Variants in ABRAXAS2 observed in about 807,000 individuals in gnomAD.
ABRAXAS2 encodes the protein abraxas 2, BRISC complex subunit, also known as BRISC complex subunit Abraxas 2.
A neutral mutation model predicts 49.0 loss-of-function variants in ABRAXAS2; 23 were observed. That is an observed-to-expected ratio of 0.47 (90% CI 0.34 to 0.66). The LOEUF is 0.66. Among genes scored for constraint, ABRAXAS2 ranks in the 30% least tolerant of loss-of-function variants. The pLI, the probability that ABRAXAS2 is intolerant of heterozygous loss-of-function variation, is 0.01. For synonymous variants in ABRAXAS2, 168 were observed against 180.2 expected, an observed-to-expected ratio of 0.93 and a Z score of 0.54; for missense variants, 443 against 511.9, an observed-to-expected ratio of 0.87 and a Z score of 1.30.
At chr10:124,821,441 C>T (rs1399607174) in intron 4 of ABRAXAS2, among the ~76,000 whole-genome samples, 1 of 151,988 alleles carries the variant, frequency 6.6e-6, no homozygotes, top group African/African-American at 2.4e-5. Flanking sequence ...TGGCACGTGC[C>T]TCTTGTCCCA....
At chr10:124,817,024 T>C (rs1319783189) in intron 3 of ABRAXAS2, among the ~76,000 whole-genome samples, 1 of 152,224 alleles carries the variant, frequency 6.6e-6, no homozygotes, top group African/African-American at 2.4e-5. Flanking sequence ...GGGCAATATG[T>C]GGCAAGACTC....
Position 124,806,863 on chromosome 10 carries a change from G to A in ABRAXAS2, c.105G>A (p.Glu35=). ...EGFLLGEVRQ[E]ETFSISDSQI... is the part of the protein sequence containing the mutation. ...TTTTACTGGGAGAGGTAAGACAAGA[G>A]GAAACGTTTAGCATCAGTGACTCAC... Residue 35 remains glutamate (E), a synonymous_variant, in exon 2 of 9, where the codon GAG becomes GAA. Transcript: ENST00000298492. 6.2e-7 allele frequency: 1 copy of A among 1,610,156 alleles called. No individual in the cohort carries two copies.
chr10:124,812,607 C>T (rs1171259471), intron 2 of ABRAXAS2, among the ~76,000 whole-genome samples: 2 of 152,170 alleles, frequency 1.3e-5, no homozygotes, highest in African/African-American at 4.8e-5. Flanking sequence ...CATGCCACTG[C>T]ACTCCAGCCT....
chr10:124,808,973 A>G (rs566686591), intron 2 of ABRAXAS2, among the ~76,000 whole-genome samples: 1 of 152,078 alleles, frequency 6.6e-6, no homozygotes, highest in African/African-American at 2.4e-5. Context: ...TCTACTAAAA[A>G]TACAAAAATT....
At position 124,834,794 on chromosome 10, in the gene ABRAXAS2, CCTT is replaced by C. The variant is rs765163370; in HGVS notation, c.1073_1075del (p.Leu358del). ...TGAAGTATCCTGGAAGTGGGGCTGACCTTCCTCCTCCCCAAAGAGCAGCTGGAG... is the reference window on the plus strand; with the variant it reads ...TGAAGTATCCTGGAAGTGGGGCTGACCCTCCTCCCCAAAGAGCAGCTGGAG... On this transcript the variant is annotated inframe_deletion, in exon 9 of 9. Transcript: ENST00000298492. 8.7e-6 allele frequency: 14 copies of C among 1,614,104 alleles called. No individual in the cohort carries two copies. In the East Asian group the frequency reaches 3.1e-4, roughly 36 times the overall value.
At chr10:124,803,274 A>G (rs1215524513) in intron 1 of ABRAXAS2, among the ~76,000 whole-genome samples, 2 of 152,218 alleles carry the variant, frequency 1.3e-5, no homozygotes, top group African/African-American at 4.8e-5. Flanking sequence ...TTGACTTCAT[A>G]GAAATTTTCA....
At chr10:124,813,889 CT>C (rs1156621161) in intron 2 of ABRAXAS2, among the ~76,000 whole-genome samples, 1 of 152,190 alleles carries the variant, frequency 6.6e-6, no homozygotes, top group Non-Finnish European at 1.5e-5. Flanking sequence ...ATGAGTTTTT[CT>C]TTTCCCTGAA....
In ABRAXAS2 at chr10:124,834,610, T is replaced by G; in HGVS notation, c.887T>G (p.Leu296Arg). ...TTTGCAGCTGAAGGCAGAAGTACAC[T>G]TGGAGATGCAGAGGCCTCGGATCCT... is the stretch of plus-strand genomic sequence containing the variant. Reference protein sequence around the residue: ...SGFAAEGRSTLGDAEASDPPP... With the variant: ...SGFAAEGRSTRGDAEASDPPP... The change falls in exon 9 of 9, where the codon CTT becomes CGT. Residue 296 changes from leucine (L) to arginine (R), a missense_variant. Leu to Arg is a moderately radical substitution (Grantham distance 102). This residue lies in a region of ABRAXAS2 where 230 missense variants were observed against 237.0 expected (regional missense o/e 0.97). Coordinates refer to ENST00000298492, the MANE Select transcript of ABRAXAS2 (RefSeq NM_032182.4). 6.2e-7 allele frequency: 1 copy of G among 1,614,188 alleles called. No homozygotes were observed. Among genetic ancestry groups the G allele is most frequent in the Non-Finnish European group, 8.5e-7 (1 of 1,180,042 alleles).
intron 8 of ABRAXAS2, among the ~76,000 whole-genome samples, chr10:124,831,794 C>T (rs1013104585): frequency 7.0e-6 from 1 of 143,736 alleles, no homozygotes; most frequent in Non-Finnish European, 1.5e-5. Context: ...GTGGTTGTTA[C>T]TAAGTTAACC....
chr10:124,804,723 T>TC, intron 1 of ABRAXAS2, among the ~76,000 whole-genome samples: 1 of 149,266 alleles, frequency 6.7e-6, no homozygotes, highest in Middle Eastern at 3.4e-3. Context: ...CTTTCTTTTT[T>TC]TTTTTTTTGA....
At chr10:124,828,733 ATC>A (rs1193933126) in intron 5 of ABRAXAS2, 21 bp from the exon 6 acceptor site, 4 of 1,608,956 alleles carry the variant, frequency 2.5e-6, no homozygotes, top group East Asian at 2.2e-5. Flanking sequence ...ATTTAACATG[ATC>A]TCTCTGAATT....
rs1233103784 is a variant in ABRAXAS2, at chr10:124,806,910, T to A, written c.152T>A (p.Leu51Gln). Residue 51 changes from leucine to glutamine, a missense_variant, in exon 2 of 9, where the codon CTG (leucine) becomes CAG (glutamine). Leu to Gln is a moderately radical substitution (Grantham distance 113, BLOSUM62 -2). Transcript: ENST00000298492. ...SDSQISNTEF[L>Q]QVIEIHNHQP... is the part of the protein sequence containing the mutation. ...TCACAAATCAGCAACACAGAATTTC[T>A]GCAAGTAATTGGTAAGTAAATTTCT... The A allele has an allele frequency of 6.2e-7, 1 of 1,605,678 alleles. No homozygotes were observed. The highest frequency in any genetic ancestry group is 1.7e-5 in the Admixed American group (1 of 59,780).
intron 4 of ABRAXAS2, among the ~76,000 whole-genome samples, chr10:124,820,236 G>A (rs1289992186): frequency 6.6e-6 from 1 of 152,128 alleles, no homozygotes; most frequent in African/African-American, 2.4e-5. Flanking sequence ...AAGGCAAATA[G>A]CTTTATGCAT....
rs1295621666 is a variant in ABRAXAS2 at position 124,835,309 on chromosome 10, A to AT, written c.*339dup. On this transcript the variant is annotated 3_prime_UTR_variant, in exon 9 of 9. Coordinates refer to ENST00000298492, the MANE Select transcript of ABRAXAS2 (RefSeq NM_032182.4). ...ATTAGAGACTAAGCACAATTAGTCT[A>AT]TAAATGTTCTATAAATCAAAAACTT... 1.1e-5 allele frequency: 2 copies of AT among 176,354 alleles called. No homozygotes were observed. Among genetic ancestry groups the AT allele is most frequent in the African/African-American group, 4.7e-5 (2 of 42,366 alleles). 10.9% of individuals were successfully genotyped at this position (176,354 alleles called of 1,614,324 possible).
At chr10:124,805,685 G>A (rs946341233) in intron 1 of ABRAXAS2, among the ~76,000 whole-genome samples, 1 of 152,166 alleles carries the variant, frequency 6.6e-6, no homozygotes, top group African/African-American at 2.4e-5. Flanking sequence ...AAGAATGTAA[G>A]GTAAAGGGGG....
intron 1 of ABRAXAS2, among the ~76,000 whole-genome samples, chr10:124,803,150 AC>A (rs1950717535): frequency 6.6e-6 from 1 of 152,178 alleles, no homozygotes; most frequent in African/African-American, 2.4e-5. Flanking sequence ...TTGAATGCCT[AC>A]TAATATCACA....
At chr10:124,815,958 A>G (rs1950822301) in intron 2 of ABRAXAS2, among the ~76,000 whole-genome samples, 1 of 142,910 alleles carries the variant, frequency 7.0e-6, no homozygotes, top group South Asian at 2.2e-4. Flanking sequence ...GCTGGAGTGC[A>G]GTGGCGCGAT....
At chr10:124,826,866 C>T in intron 5 of ABRAXAS2, 81 bp downstream of exon 5, 2 of 1,365,420 alleles carry the variant, frequency 1.5e-6, no homozygotes, top group Admixed American at 1.9e-5. Flanking sequence ...GTAATCCCAG[C>T]ACTTTGGAAG....
chr10:124,818,129 G>C (rs750358256), intron 3 of ABRAXAS2, among the ~76,000 whole-genome samples: 2 of 152,170 alleles, frequency 1.3e-5, no homozygotes, highest in Non-Finnish European at 2.9e-5. Flanking sequence ...GGGTGCGGTG[G>C]CTCACGCCTG....
Sources: allele counts gnomAD v4.1 joint callset (sites outside exome capture counted in the v4.1 genomes callset), GRCh38; gene constraint gnomAD v4.1.1; regional missense constraint gnomAD v4.1.1; transcripts MANE v1.5; gene names NCBI Gene and HGNC (gene_info 2026-07-23, HGNC 2026-07-21).